UGT1A9: variants seen among roughly 807,000 people sequenced by gnomAD.
The protein encoded by UGT1A9 is UDP-glucuronosyltransferase 1A9.
UGT1A9 carries 35 observed loss-of-function variants against 45.0 expected under a neutral mutation model. That is an observed-to-expected ratio of 0.78 (90% CI 0.59 to 1.03). UGT1A9 has a LOEUF of 1.03. Ranked by LOEUF, UGT1A9 falls within the 50% of genes least tolerant of loss-of-function variation. The pLI is 0.00. For missense variants in UGT1A9, 687 were observed against 666.6 expected (o/e 1.03, Z -0.34); for synonymous variants, 278 against 250.6 (o/e 1.11, Z -1.03).
At chr2:233,738,868 CT>C (rs1348396739) in intron 1 of UGT1A9, 1 of 152,334 alleles carries the variant, frequency 6.6e-6, no homozygotes, top group South Asian at 2.1e-4. Flanking sequence ...GGGAAAATGG[CT>C]CCAGGGCATG....
chr2:233,768,579 C>G (rs1408640204), intron 4 of UGT1A9, 140 bp downstream of exon 4: 7 of 934,896 alleles, frequency 7.5e-6, no homozygotes, highest in Non-Finnish European at 8.5e-6. Flanking sequence ...ATTTTTATTT[C>G]TTCTTTTTTT....
At chr2:233,693,486 A>G (rs577594581) in intron 1 of UGT1A9, 2 of 1,614,088 alleles carry the variant, frequency 1.2e-6, no homozygotes, top group African/African-American at 2.7e-5. Context: ...ATCCTGGCTG[A>G]GTATTTGGGC....
chr2:233,747,892 T>C, intron 1 of UGT1A9: 9 of 1,613,604 alleles, frequency 5.6e-6, no homozygotes, highest in Non-Finnish European at 6.8e-6. Flanking sequence ...TGCCATGCTC[T>C]TTCTGCTCCT....
At chr2:233,694,697 CTCT>C (rs373020976) in intron 1 of UGT1A9, among the ~76,000 whole-genome samples, 1 of 152,196 alleles carries the variant, frequency 6.6e-6, no homozygotes, top group African/African-American at 2.4e-5. Flanking sequence ...ACCCTTACCT[CTCT>C]TCTTTACACC....
chr2:233,736,069 TTGGGAAGTTCTCC>T (rs1429776969), intron 1 of UGT1A9, among the ~76,000 whole-genome samples: 1 of 152,194 alleles, frequency 6.6e-6, no homozygotes, highest in African/African-American at 2.4e-5. Flanking sequence ...CTTGCTAGGT[TTGGGAAGTTCTCC>T]TGGATAATAT....
chr2:233,733,427 A>G (rs1444261298), intron 1 of UGT1A9, among the ~76,000 whole-genome samples: 1 of 152,208 alleles, frequency 6.6e-6, no homozygotes, highest in Non-Finnish European at 1.5e-5. Context: ...CCTACTCAGT[A>G]TGATATTGGC....
chr2:233,685,622 T>A (rs2074746645), intron 1 of UGT1A9, among the ~76,000 whole-genome samples: 1 of 152,242 alleles, frequency 6.6e-6, no homozygotes, highest in Non-Finnish European at 1.5e-5. Context: ...CAACTTTTTA[T>A]CATCAAAGTT....
intron 1 of UGT1A9, among the ~76,000 whole-genome samples, chr2:233,720,036 T>C (rs2076824550): frequency 6.6e-6 from 1 of 152,194 alleles, no homozygotes; most frequent in Admixed American, 6.5e-5. Context: ...GCTTGCCTGA[T>C]TTTCAGCTGA....
chr2:233,688,285 A>G (rs1367032725), intron 1 of UGT1A9, among the ~76,000 whole-genome samples: 3 of 152,182 alleles, frequency 2.0e-5, no homozygotes, highest in Non-Finnish European at 2.9e-5. Flanking sequence ...GTATGGATTT[A>G]CCGCATTTTT....
At chr2:233,737,076 G>C (rs183644627) in intron 1 of UGT1A9, among the ~76,000 whole-genome samples, 1 of 152,350 alleles carries the variant, frequency 6.6e-6, no homozygotes, top group East Asian at 1.9e-4. Flanking sequence ...CTTCAGAGCT[G>C]TCAGACAGGG....
chr2:233,760,472 C>G lies in UGT1A9; in HGVS notation c.856-6562C>G, dbSNP rs1344623676. 2 of 1,614,230 alleles carry G rather than the reference C, an allele frequency of 1.2e-6. No individual in the cohort carries two copies. The highest frequency in any genetic ancestry group is 1.7e-6 in the Non-Finnish European group (2 of 1,180,034). ...GGACATGAAATAGTTGTCCTAGCACCTGACGCCTCGTTGTACATCAGAGAC... is the reference window on the plus strand; with the variant it reads ...GGACATGAAATAGTTGTCCTAGCACGTGACGCCTCGTTGTACATCAGAGAC... On this transcript the variant is annotated intron_variant, in intron 1 of 4. Coordinates refer to ENST00000354728, the MANE Select transcript of UGT1A9 (RefSeq NM_021027.3).
intron 1 of UGT1A9, among the ~76,000 whole-genome samples, chr2:233,695,188 C>T (rs1163062852): frequency 5.5e-5 from 8 of 145,440 alleles, no homozygotes; most frequent in Non-Finnish European, 8.9e-5. Context: ...TGCAGTGGTG[C>T]GATCTCAGCC....
At position 233,682,414 on chromosome 2, in the gene UGT1A9, A is replaced by G. The variant is rs139969318; in HGVS notation, c.855+9625A>G. The G allele has an allele frequency of 2.9e-5, 47 of 1,613,848 alleles. No individual in the cohort carries two copies. The East Asian group carries it at 9.4e-4, about 32-fold the overall frequency. On this transcript the variant is annotated intron_variant, in intron 1 of 4. Transcript: ENST00000354728. Reference sequence around the variant, plus strand: ...ATGCCTGTGGCTTAATTGTTGCCAAATATTTCTCCCTCCCCTCTGTGGTCT... The same window carrying G: ...ATGCCTGTGGCTTAATTGTTGCCAAGTATTTCTCCCTCCCCTCTGTGGTCT...
chr2:233,731,735 C>T (rs574748193), intron 1 of UGT1A9, among the ~76,000 whole-genome samples: 1 of 152,288 alleles, frequency 6.6e-6, no homozygotes, highest in East Asian at 1.9e-4. Flanking sequence ...AATAGTGCCA[C>T]AATAAACATA....
intron 1 of UGT1A9, chr2:233,743,523 T>A (rs1440722806): frequency 7.3e-7 from 1 of 1,367,212 alleles, no homozygotes; most frequent in Non-Finnish European, 9.8e-7. Context: ...TGCTTCTGCT[T>A]CCCCAGCAGT....
intron 1 of UGT1A9, among the ~76,000 whole-genome samples, chr2:233,715,150 T>A (rs1370902916): frequency 6.6e-6 from 1 of 152,132 alleles, no homozygotes; most frequent in Non-Finnish European, 1.5e-5. Flanking sequence ...CCTGCCAAAG[T>A]GCTGGAATTA....
chr2:233,765,208 G>C (rs1325678271), intron 1 of UGT1A9, among the ~76,000 whole-genome samples: 1 of 152,132 alleles, frequency 6.6e-6, no homozygotes, highest in Non-Finnish European at 1.5e-5. Flanking sequence ...AGTGCCCTCA[G>C]TATTCTTTGC....
chr2:233,743,050 C>G (rs577515653), intron 1 of UGT1A9: 2 of 317,988 alleles, frequency 6.3e-6, no homozygotes, highest in African/African-American at 2.2e-5. Flanking sequence ...CCGTGTAGTC[C>G]CAACGATAAG....
chr2:233,717,706 G>A (rs578061394), intron 1 of UGT1A9: 10 of 451,154 alleles, frequency 2.2e-5, no homozygotes, highest in African/African-American at 4.0e-5. Context: ...GGAGCAGGAC[G>A]AGCCTCATGG....
Sources: allele counts gnomAD v4.1 joint callset (sites outside exome capture counted in the v4.1 genomes callset), GRCh38; gene constraint gnomAD v4.1.1; transcripts MANE v1.5; gene names NCBI Gene and HGNC (gene_info 2026-07-23, HGNC 2026-07-21).